PIGK: variants seen among roughly 807,000 people sequenced by gnomAD.
PIGK encodes GPI-anchor transamidase.
In PIGK, 42 loss-of-function variants were observed where a neutral mutation model predicts 50.6. That is an observed-to-expected ratio of 0.83 (90% CI 0.65 to 1.07). The LOEUF (loss-of-function observed/expected upper bound fraction) is 1.07. Among genes scored for constraint, PIGK ranks in the 50% least tolerant of loss-of-function variants. The pLI is 0.00. For synonymous variants in PIGK, 151 were observed against 156.0 expected, an observed-to-expected ratio of 0.97 and a Z score of 0.24; for missense variants, 448 against 488.7, an observed-to-expected ratio of 0.92 and a Z score of 0.78.
chr1:77,123,811 G>C (rs971668332), intron 9 of PIGK, among the ~76,000 whole-genome samples: 1 of 151,966 alleles, frequency 6.6e-6, no homozygotes, highest in African/African-American at 2.4e-5. Context: ...TATTTGTTAT[G>C]GGCTGAATTG....
chr1:77,173,002 G>A (rs931105448), intron 3 of PIGK, among the ~76,000 whole-genome samples: 1 of 152,024 alleles, frequency 6.6e-6, no homozygotes, highest in African/African-American at 2.4e-5. Flanking sequence ...CGTGCACTTA[G>A]GTAGGAAAAG....
intron 3 of PIGK, among the ~76,000 whole-genome samples, chr1:77,181,735 T>A (rs80046474): frequency 1.7e-3 from 262 of 152,254 alleles, no homozygotes; most frequent in African/African-American, 6.1e-3. Flanking sequence ...TGACACAAAT[T>A]ATTAAGGATA....
intron 9 of PIGK, among the ~76,000 whole-genome samples, chr1:77,122,833 G>A (rs1040846548): frequency 2.6e-5 from 4 of 152,058 alleles, no homozygotes; most frequent in African/African-American, 9.7e-5. Flanking sequence ...TGTTATATCT[G>A]TTTGGACCAA....
At chr1:77,111,461 C>A (rs1483241942) in intron 10 of PIGK, among the ~76,000 whole-genome samples, 1 of 152,028 alleles carries the variant, frequency 6.6e-6, no homozygotes, top group Non-Finnish European at 1.5e-5. Flanking sequence ...TTTGTAGGGA[C>A]ATGGATGAAG....
At chr1:77,106,628 G>T (rs1406737092) in intron 10 of PIGK, among the ~76,000 whole-genome samples, 2 of 151,778 alleles carry the variant, frequency 1.3e-5, no homozygotes, top group African/African-American at 4.8e-5. Context: ...CCCTCTATGT[G>T]GTTTACTCAA....
chr1:77,124,454 C>T (rs1011739050), intron 9 of PIGK, among the ~76,000 whole-genome samples: 2 of 151,790 alleles, frequency 1.3e-5, no homozygotes, highest in Non-Finnish European at 2.9e-5. Context: ...ACTAAAAATA[C>T]AAAAATTAGC....
intron 3 of PIGK, among the ~76,000 whole-genome samples, chr1:77,205,517 C>T (rs1336264904): frequency 1.3e-5 from 2 of 151,874 alleles, no homozygotes; most frequent in Admixed American, 6.6e-5. Context: ...TCTGTTCCTG[C>T]AGCACTTTAT....
At chr1:77,125,075 T>C (rs1239044387) in intron 9 of PIGK, among the ~76,000 whole-genome samples, 1 of 152,232 alleles carries the variant, frequency 6.6e-6, no homozygotes, top group Non-Finnish European at 1.5e-5. Flanking sequence ...TCACTCTTCA[T>C]TGGCTCTTCC....
intron 9 of PIGK, among the ~76,000 whole-genome samples, chr1:77,131,859 T>C (rs141929555): frequency 1.3e-5 from 2 of 152,190 alleles, no homozygotes; most frequent in East Asian, 3.9e-4. Context: ...CTTCATTCTC[T>C]CTGTCTTGTT....
At chr1:77,197,940 A>C (rs1656073790) in intron 3 of PIGK, among the ~76,000 whole-genome samples, 1 of 152,190 alleles carries the variant, frequency 6.6e-6, no homozygotes, top group African/African-American at 2.4e-5. Flanking sequence ...AATATTAGAT[A>C]TAAGACACCA....
chr1:77,092,685 T>G (rs1374295624), intron 10 of PIGK, among the ~76,000 whole-genome samples, 195 bp from the exon 11 acceptor site: 1 of 152,068 alleles, frequency 6.6e-6, no homozygotes, highest in Non-Finnish European at 1.5e-5. Context: ...GTAAACTGGC[T>G]CCTAACAAAG....
At chr1:77,105,377 T>G (rs1188586921) in intron 10 of PIGK, among the ~76,000 whole-genome samples, 1 of 151,874 alleles carries the variant, frequency 6.6e-6, no homozygotes, top group African/African-American at 2.4e-5. Flanking sequence ...TGGGCAAACT[T>G]TGGGCCATGG....
chr1:77,188,241 T>C (rs907678568), intron 3 of PIGK, among the ~76,000 whole-genome samples: 12 of 152,102 alleles, frequency 7.9e-5, no homozygotes, highest in African/African-American at 2.9e-4. Context: ...CAAAAGCAAA[T>C]GGGAGAAATA....
chr1:77,116,562 C>CTGTG (rs763119489), intron 10 of PIGK, among the ~76,000 whole-genome samples: 3,274 of 135,032 alleles, frequency 0.024, 73 homozygotes, highest in African/African-American at 0.062. Context: ...AAATGTGTCT[C>CTGTG]TGTGTGTGTG....
chr1:77,126,337 T>C (rs1654229973), intron 9 of PIGK, among the ~76,000 whole-genome samples: 1 of 152,182 alleles, frequency 6.6e-6, no homozygotes, highest in South Asian at 2.1e-4. Flanking sequence ...TGTATTGGCT[T>C]TTTTAGAATG....
chr1:77,161,165 T>C (rs566554808), intron 8 of PIGK, 130 bp downstream of exon 8: 172 of 621,504 alleles, frequency 2.8e-4, no homozygotes, highest in African/African-American at 2.5e-3. Context: ...AAGGTAGATA[T>C]CAAATAGTTT....
chr1:77,205,096 TA>T (rs1438439724), intron 3 of PIGK, among the ~76,000 whole-genome samples: 1 of 152,190 alleles, frequency 6.6e-6, no homozygotes, highest in Non-Finnish European at 1.5e-5. Context: ...TGTCTATTCC[TA>T]AAAACTCCTT....
chr1:77,141,566 T>A (rs1654650882), intron 9 of PIGK, among the ~76,000 whole-genome samples: 4 of 152,124 alleles, frequency 2.6e-5, no homozygotes, highest in African/African-American at 4.8e-5. Flanking sequence ...GAACTTTGTA[T>A]ATAATGAATG....
At chr1:77,094,123 G>A (rs1305734198) in intron 10 of PIGK, among the ~76,000 whole-genome samples, 3 of 152,100 alleles carry the variant, frequency 2.0e-5, no homozygotes, top group Admixed American at 6.6e-5. Context: ...CAAAAGGGTT[G>A]AAAATGTTTA....
Sources: allele counts gnomAD v4.1 joint callset (sites outside exome capture counted in the v4.1 genomes callset), GRCh38; gene constraint gnomAD v4.1.1; transcripts MANE v1.5; gene names NCBI Gene and HGNC (gene_info 2026-07-23, HGNC 2026-07-21).